The following SPMIP7 variants were observed in gnomAD, a reference collection of about 807,000 sequenced individuals.
SPMIP7 encodes the protein sperm microtubule inner protein 7.
chr7:50,103,447 T>C, the SPMIP7 span, among the ~76,000 whole-genome samples: 126,086 of 152,046 alleles, frequency 0.83, 52,329 homozygotes, highest in East Asian at 0.88. Context: ...AGGTTGAGTC[T>C]GAGGTTTTCA....
the SPMIP7 span, chr7:50,096,267 A>G: frequency 1.3e-6 from 2 of 1,551,530 alleles, no homozygotes; most frequent in East Asian, 2.4e-5. Flanking sequence ...AAGAAATGCA[A>G]CCCTGCTTTT....
the SPMIP7 span, among the ~76,000 whole-genome samples, chr7:50,153,680 C>T: frequency 3.9e-5 from 6 of 152,180 alleles, no homozygotes; most frequent in African/African-American, 1.4e-4. Context: ...GAGGCACACA[C>T]AAGCTGCCTG....
the SPMIP7 span, among the ~76,000 whole-genome samples, chr7:50,108,332 T>C: frequency 6.6e-6 from 1 of 152,184 alleles, no homozygotes; most frequent in East Asian, 1.9e-4. Context: ...GATGATAAAT[T>C]TGAGTATCTG....
chr7:50,159,034 A>C, the SPMIP7 span: 1 of 1,550,534 alleles, frequency 6.4e-7, no homozygotes, highest in South Asian at 1.2e-5. Context: ...TTTTTTTCCC[A>C]TCCTGCCCCA....
chr7:50,118,112 A>G, the SPMIP7 span, among the ~76,000 whole-genome samples: 8 of 152,334 alleles, frequency 5.3e-5, no homozygotes, highest in East Asian at 3.9e-4. Flanking sequence ...CAACTCCCCT[A>G]TGTTGACCTA....
chr7:50,122,832 G>A, the SPMIP7 span, among the ~76,000 whole-genome samples: 1 of 152,180 alleles, frequency 6.6e-6, no homozygotes, highest in African/African-American at 2.4e-5. Context: ...ATCATCACTG[G>A]CCATCAGACA....
the SPMIP7 span, among the ~76,000 whole-genome samples, chr7:50,152,705 T>TTTATTTAG: frequency 6.6e-6 from 1 of 150,676 alleles, no homozygotes; most frequent in Non-Finnish European, 1.5e-5. Context: ...TATTTATTTA[T>TTTATTTAG]TTAAGACAGA....
chr7:50,120,180 G>A, the SPMIP7 span: 9 of 152,286 alleles, frequency 5.9e-5, no homozygotes, highest in Admixed American at 5.2e-4. Flanking sequence ...AAAGGCCAAA[G>A]TGATCAATAA....
chr7:50,130,490 C>A, the SPMIP7 span, among the ~76,000 whole-genome samples: 1 of 151,962 alleles, frequency 6.6e-6, no homozygotes, highest in Non-Finnish European at 1.5e-5. Flanking sequence ...CTGGCCCCAC[C>A]CTACACAGGT....
chr7:50,139,192 T>A, the SPMIP7 span, among the ~76,000 whole-genome samples: 1 of 151,776 alleles, frequency 6.6e-6, no homozygotes. Context: ...CTACTAAAAC[T>A]GCAAAAATTA....
the SPMIP7 span, among the ~76,000 whole-genome samples, chr7:50,101,048 A>C: frequency 5.9e-5 from 9 of 152,132 alleles, no homozygotes; most frequent in African/African-American, 2.2e-4. Flanking sequence ...AAATTTATGA[A>C]GAAGTGATGA....
the SPMIP7 span, among the ~76,000 whole-genome samples, chr7:50,138,988 C>T: frequency 2.6e-5 from 4 of 152,132 alleles, no homozygotes; most frequent in African/African-American, 7.2e-5. Flanking sequence ...GTGTAAAATA[C>T]CCCACTATAG....
the SPMIP7 span, among the ~76,000 whole-genome samples, chr7:50,100,810 C>CG: frequency 2.7e-3 from 23 of 8,490 alleles, no homozygotes; most frequent in Middle Eastern, 0.029. Context: ...AGATGCCGTC[C>CG]AAAAATAAAT....
At chr7:50,125,453 G>A in the SPMIP7 span, among the ~76,000 whole-genome samples, 1 of 142,470 alleles carries the variant, frequency 7.0e-6, no homozygotes, top group African/African-American at 2.6e-5. Flanking sequence ...AAATAAGAAG[G>A]AAGAAAATTT....
the SPMIP7 span, among the ~76,000 whole-genome samples, chr7:50,139,174 C>T: frequency 5.9e-5 from 9 of 151,828 alleles, no homozygotes; most frequent in African/African-American, 1.9e-4. Flanking sequence ...CGTGGTGAAA[C>T]CCCGTCTCTA....
the SPMIP7 span, among the ~76,000 whole-genome samples, chr7:50,147,953 T>C: frequency 6.6e-6 from 1 of 152,236 alleles, no homozygotes; most frequent in Non-Finnish European, 1.5e-5. Flanking sequence ...TGGAATTCTT[T>C]GAACATGCGA....
chr7:50,106,904 C>A, the SPMIP7 span, among the ~76,000 whole-genome samples: 5 of 152,094 alleles, frequency 3.3e-5, no homozygotes, highest in South Asian at 2.1e-4. Flanking sequence ...AGTTTGAGAC[C>A]AGTCTGGCCA....
At chr7:50,110,837 TTA>T in the SPMIP7 span, among the ~76,000 whole-genome samples, 2 of 132,478 alleles carry the variant, frequency 1.5e-5, no homozygotes, top group African/African-American at 2.9e-5. Context: ...ATATTATATA[TTA>T]TATATTATAA....
the SPMIP7 span, among the ~76,000 whole-genome samples, chr7:50,099,646 T>G: frequency 1.3e-5 from 2 of 152,236 alleles, no homozygotes; most frequent in Non-Finnish European, 2.9e-5. Flanking sequence ...TCACTTGCTC[T>G]GTGCTGAGGA....
Sources: allele counts gnomAD v4.1 joint callset (sites outside exome capture counted in the v4.1 genomes callset), GRCh38; gene constraint gnomAD v4.1.1; transcripts MANE v1.5; gene names NCBI Gene and HGNC (gene_info 2026-07-23, HGNC 2026-07-21).